Variants in KCNS2 observed in about 807,000 individuals in gnomAD.
The protein encoded by KCNS2 is delayed-rectifier potassium channel regulatory subunit KCNS2.
Under a neutral mutation model 28.3 loss-of-function variants are expected in KCNS2, and 15 were observed. The observed-to-expected ratio is 0.53, with a 90% confidence interval of 0.35 to 0.82. KCNS2 has a LOEUF of 0.82. Ranked by LOEUF, KCNS2 falls within the 40% of genes least tolerant of loss-of-function variation. The probability of loss-of-function intolerance (pLI) is 0.01; values close to 1 mark genes in which losing one functional copy is unlikely to be tolerated. For missense variants in KCNS2, 501 were observed against 617.1 expected, an observed-to-expected ratio of 0.81 and a Z score of 1.99; for synonymous variants, 254 against 256.7, an observed-to-expected ratio of 0.99 and a Z score of 0.10.
At chr8:98,427,385 C>T (rs1818251731) in intron 1 of KCNS2, 56 bp downstream of exon 1, 1 of 152,084 alleles carries the variant, frequency 6.6e-6, no homozygotes, top group Admixed American at 6.5e-5. Context: ...GGGTGAGGCG[C>T]AGCGCACGCG....
chr8:98,427,987 G>T lies in KCNS2; in HGVS notation c.8G>T (p.Gly3Val). 1 of 1,547,858 alleles carries T rather than the reference G, an allele frequency of 6.5e-7. No individual in the cohort carries two copies. The highest frequency in any genetic ancestry group is 8.7e-7 in the Non-Finnish European group (1 of 1,143,276). The change falls in exon 2 of 2, where the codon GGC becomes GTC. Residue 3 changes from glycine (G) to valine (V), a missense_variant. Gly to Val is a moderately radical substitution (Grantham distance 109, BLOSUM62 -3). Transcript: ENST00000287042. ...GCGGCCGGCGCCTCCAGCATGACCG[G>T]CCAGAGCCTGTGGGACGTGTCGGAG... MT[G>V]QSLWDVSEAN... is the part of the protein sequence containing the mutation.
At chr8:98,427,905 C>G in intron 1 of KCNS2, 33 bp from the exon 2 acceptor site, 1 of 1,295,250 alleles carries the variant, frequency 7.7e-7, no homozygotes, top group African/African-American at 1.5e-5. Flanking sequence ...GGGCGCACGG[C>G]GCTCTCGCCG....
rs1216433737 is a variant in KCNS2, at chr8:98,429,534, C to A, written c.*121C>A. 7.2e-6 allele frequency: 5 copies of A among 692,670 alleles called. No individual in the cohort carries two copies. In the Middle Eastern group the frequency reaches 1.2e-3, roughly 165 times the overall value. 42.9% of individuals were successfully genotyped at this position (692,670 alleles called of 1,614,324 possible). The stretch of plus-strand genomic sequence containing the variant: ...TGCCCAGCCCCTGAGGGGAGAGATG[C>A]ATGGGATATGCACCCAGGTTTCTTT... On this transcript the variant is annotated 3_prime_UTR_variant, in exon 2 of 2. Coordinates refer to ENST00000287042, the MANE Select transcript of KCNS2 (RefSeq NM_020697.4).
Position 98,427,165 on chromosome 8 carries a change from C to G in KCNS2, c.-207C>G, listed in dbSNP as rs953970343. 9.3e-5 allele frequency: 14 copies of G among 150,268 alleles called. No homozygotes were observed. The highest frequency in any genetic ancestry group is 2.9e-4 in the African/African-American group (12 of 41,214). The allele number at this position is 150,268 out of a possible 1,614,324, so 9.3% of individuals were successfully genotyped here. A position where few individuals can be genotyped will look rare whatever the true frequency, so the allele number is the denominator to read the frequency against. ...GCGGGCGGCGGCGGCGTACCCGGCC[C>G]GAGACGGGAGGAGACGCTCGGCGGC... On this transcript the variant is annotated 5_prime_UTR_variant, in exon 1 of 2. Coordinates refer to ENST00000287042, the MANE Select transcript of KCNS2 (RefSeq NM_020697.4).
rs777451821 is a variant in KCNS2, at chr8:98,428,008, C to T, written c.29C>T (p.Ser10Leu). 3 of 1,582,402 alleles carry T rather than the reference C, an allele frequency of 1.9e-6. No individual in the cohort carries two copies. Among genetic ancestry groups the T allele is most frequent in the Non-Finnish European group, 2.6e-6 (3 of 1,163,020 alleles). Residue 10 changes from serine to leucine, a missense_variant, in exon 2 of 2, where the codon TCG (serine) becomes TTG (leucine). Transcript: ENST00000287042. This position sits in a 1 kb window ranked among gnomAD's most constrained non-coding sequence, Gnocchi z 6.7. MTGQSLWDVSEANVEDGEIR... is the reference protein window; with the variant it reads MTGQSLWDVLEANVEDGEIR... ...ACCGGCCAGAGCCTGTGGGACGTGT[C>T]GGAGGCTAACGTCGAGGACGGGGAG...
intron 1 of KCNS2, 176 bp from the exon 2 acceptor site, chr8:98,427,762 A>G: frequency 1.9e-6 from 1 of 525,564 alleles, no homozygotes; most frequent in South Asian, 2.8e-5. Flanking sequence ...TAATAGAAAC[A>G]TACCCACCCC....
At position 98,428,218 on chromosome 8, in the gene KCNS2, A is replaced by G; in HGVS notation, c.239A>G (p.Tyr80Cys). 1.2e-6 allele frequency: 2 copies of G among 1,613,946 alleles called. No homozygotes were observed. Among genetic ancestry groups the G allele is most frequent in the South Asian group, 1.1e-5 (1 of 91,068 alleles). ...YFDRNPELFP[Y>C]VLHFYHTGKL... is the part of the protein sequence containing the mutation. The stretch of plus-strand genomic sequence containing the variant: ...GACCGCAACCCTGAGCTCTTCCCCT[A>G]CGTGCTGCATTTCTATCACACCGGC... The change falls in exon 2 of 2, where the codon TAC becomes TGC. Residue 80 changes from tyrosine (Y) to cysteine (C), a missense_variant. Tyr to Cys is a radical substitution (Grantham distance 194, BLOSUM62 -2). Coordinates refer to ENST00000287042, the MANE Select transcript of KCNS2 (RefSeq NM_020697.4). The surrounding 1 kb of genome is among the most constrained non-coding windows in gnomAD (Gnocchi z 6.7).
rs1163752868 is a variant in KCNS2 at position 98,427,282 on chromosome 8, T to C, written c.-90T>C. 1.3e-5 allele frequency: 2 copies of C among 150,836 alleles called. No homozygotes were observed. The highest frequency in any genetic ancestry group is 2.1e-4 in the South Asian group (1 of 4,794). 9.3% of individuals were successfully genotyped at this position (150,836 alleles called of 1,614,324 possible). A position where few individuals can be genotyped will look rare whatever the true frequency, so the allele number is the denominator to read the frequency against. ...CACCGCCGCGATGCTCGCCCGCGGGTTGGGGAAGTTTCCCGCCGGCCTCGG... is the reference window on the plus strand; with the variant it reads ...CACCGCCGCGATGCTCGCCCGCGGGCTGGGGAAGTTTCCCGCCGGCCTCGG... On this transcript the variant is annotated 5_prime_UTR_variant, in exon 1 of 2. Transcript: ENST00000287042.
chr8:98,429,452 C>T lies in KCNS2; in HGVS notation c.*39C>T. ...TCACCCTCCACCCCACATTGCTGAGCTGCCTCTTGTGCCTCTGGCACAGCC... is the reference window on the plus strand; with the variant it reads ...TCACCCTCCACCCCACATTGCTGAGTTGCCTCTTGTGCCTCTGGCACAGCC... On this transcript the variant is annotated 3_prime_UTR_variant, in exon 2 of 2. Transcript: ENST00000287042. 6.9e-7 allele frequency: 1 copy of T among 1,457,902 alleles called. No individual in the cohort carries two copies. The highest frequency in any genetic ancestry group is 9.5e-7 in the Non-Finnish European group (1 of 1,052,342). 90.3% of individuals were successfully genotyped at this position (1,457,902 alleles called of 1,614,324 possible).
At position 98,429,253 on chromosome 8, in the gene KCNS2, G is replaced by T; in HGVS notation, c.1274G>T (p.Ser425Ile). ...HFYRRQKQLE[S>I]AMRSCDFGDG... is the part of the protein sequence containing the mutation. Reference sequence around the variant, plus strand: ...TACCGGCGCCAAAAGCAACTTGAGAGTGCCATGCGCAGCTGTGACTTTGGA... The same window carrying T: ...TACCGGCGCCAAAAGCAACTTGAGATTGCCATGCGCAGCTGTGACTTTGGA... The change falls in exon 2 of 2, where the codon AGT (serine) becomes ATT (isoleucine). Residue 425 changes from serine (S) to isoleucine (I), a missense_variant. Physicochemically the swap from Ser to Ile is moderately radical, Grantham distance 142. Transcript: ENST00000287042. 6.2e-7 allele frequency: 1 copy of T among 1,614,108 alleles called. No homozygotes were observed. Among genetic ancestry groups the T allele is most frequent in the Non-Finnish European group, 8.5e-7 (1 of 1,180,050 alleles).
chr8:98,428,369 C>T lies in KCNS2; in HGVS notation c.390C>T (p.Pro130=), dbSNP rs764750909. ...GCTACCATGGCCGCAAAGTAGAGCC[C>T]GAGCAGGAGAAGTGGGACGAGCAGA... ...SYSYHGRKVE[P]EQEKWDEQSD... Residue 130 remains proline, a synonymous_variant, in exon 2 of 2, where the codon CCC becomes CCT. Coordinates refer to ENST00000287042, the MANE Select transcript of KCNS2 (RefSeq NM_020697.4). The surrounding 1 kb of genome is among the most constrained non-coding windows in gnomAD (Gnocchi z 6.7). 6.2e-7 allele frequency: 1 copy of T among 1,614,124 alleles called. No homozygotes were observed. The highest frequency in any genetic ancestry group is 1.1e-5 in the South Asian group (1 of 91,078).
rs1225039367 is a variant in KCNS2 at position 98,427,161 on chromosome 8, G to C, written c.-211G>C. 1 of 150,346 alleles carries C rather than the reference G, an allele frequency of 6.7e-6. No individual in the cohort carries two copies. Among genetic ancestry groups the C allele is most frequent in the Non-Finnish European group, 1.5e-5 (1 of 67,278 alleles). The allele number at this position is 150,346 out of a possible 1,614,324, so 9.3% of individuals were successfully genotyped here. ...AGCTGCGGGCGGCGGCGGCGTACCC[G>C]GCCCGAGACGGGAGGAGACGCTCGG... On this transcript the variant is annotated 5_prime_UTR_variant, in exon 1 of 2. Transcript: ENST00000287042.
In KCNS2 at chr8:98,427,336, G is replaced by C. The variant is rs997945170; in HGVS notation, c.-43+7G>C. On this transcript the variant is annotated splice_region_variant and intron_variant, in intron 1 of 1. Transcript: ENST00000287042. Reference sequence around the variant, plus strand: ...CGGGCACCCGTGCTCCCAGGTAAGCGCTTCCAGAACGCGCAGGGCGAGCCC... The same window carrying C: ...CGGGCACCCGTGCTCCCAGGTAAGCCCTTCCAGAACGCGCAGGGCGAGCCC... The C allele has an allele frequency of 9.9e-5, 15 of 151,600 alleles. No individual in the cohort carries two copies. The highest frequency in any genetic ancestry group is 5.9e-5 in the Non-Finnish European group (4 of 67,840). 9.4% of individuals were successfully genotyped at this position (151,600 alleles called of 1,614,324 possible).
intron 1 of KCNS2, 51 bp from the exon 2 acceptor site, chr8:98,427,887 C>T (rs1051458420): frequency 2.6e-6 from 3 of 1,133,646 alleles, no homozygotes; most frequent in Admixed American, 2.9e-5. Context: ...GGAGAGGGGG[C>T]CCCGCCAGGG....
In KCNS2 at chr8:98,432,815, C is replaced by T. The variant is rs1818356024; in HGVS notation, c.*3402C>T. 1 of 166,802 alleles carries T rather than the reference C, an allele frequency of 6.0e-6. No individual in the cohort carries two copies. The highest frequency in any genetic ancestry group is 1.5e-5 in the Non-Finnish European group (1 of 68,124). 10.3% of individuals were successfully genotyped at this position (166,802 alleles called of 1,614,324 possible). A position where few individuals can be genotyped will look rare whatever the true frequency, so the allele number is the denominator to read the frequency against. ...ATGTCAGTTTTAACACTCATTAACA[C>T]ACTACTGTGCAAGCATTGACACAGG... On this transcript the variant is annotated 3_prime_UTR_variant, in exon 2 of 2. Coordinates refer to ENST00000287042, the MANE Select transcript of KCNS2 (RefSeq NM_020697.4).
At position 98,429,398 on chromosome 8, in the gene KCNS2, T is replaced by A. The variant is rs775246273; in HGVS notation, c.1419T>A (p.Asn473Lys). 1.1e-5 allele frequency: 18 copies of A among 1,610,642 alleles called. No individual in the cohort carries two copies. The highest frequency in any genetic ancestry group is 1.4e-5 in the Non-Finnish European group (17 of 1,177,430). ...GCTCACCAAGTGAACTCAGTTTAAA[T>A]GATTCCCTACGTTAGCCGGGAGGAC... is the stretch of plus-strand genomic sequence containing the variant. Reference protein sequence around the residue: ...SRSSPSELSLNDSLR With the variant: ...SRSSPSELSLKDSLR Residue 473 changes from asparagine to lysine, a missense_variant, in exon 2 of 2, where the codon AAT becomes AAA. Transcript: ENST00000287042.
Position 98,429,133 on chromosome 8 carries a change from C to G in KCNS2, c.1154C>G (p.Thr385Arg), listed in dbSNP as rs201873843. The G allele has an allele frequency of 1.9e-6, 3 of 1,613,232 alleles. No individual in the cohort carries two copies. In the Admixed American group the frequency reaches 5.0e-5, roughly 27 times the overall value. ...TACGGGGATGTGGTCCCAGGGACCA[C>G]GGCAGGAAAGCTGACTGCCTCTGCC... Reference protein sequence around the residue: ...VGYGDVVPGTTAGKLTASACI... With the variant: ...VGYGDVVPGTRAGKLTASACI... The change falls in exon 2 of 2, where the codon ACG (threonine) becomes AGG (arginine). Residue 385 changes from threonine (T) to arginine (R), a missense_variant. Transcript: ENST00000287042.
chr8:98,428,213 C>T lies in KCNS2; in HGVS notation c.234C>T (p.Phe78=). Residue 78 remains phenylalanine (F), a synonymous_variant, in exon 2 of 2, where the codon TTC becomes TTT. Coordinates refer to ENST00000287042, the MANE Select transcript of KCNS2 (RefSeq NM_020697.4). The surrounding 1 kb of genome is among the most constrained non-coding windows in gnomAD (Gnocchi z 6.7). ...ACTTCGACCGCAACCCTGAGCTCTT[C>T]CCCTACGTGCTGCATTTCTATCACA... The part of the protein sequence containing the change: ...EFYFDRNPEL[F]PYVLHFYHTG... 6.2e-7 allele frequency: 1 copy of T among 1,614,148 alleles called. No individual in the cohort carries two copies. Among genetic ancestry groups the T allele is most frequent in the Admixed American group, 1.7e-5 (1 of 60,032 alleles).
rs892912948 is a variant in KCNS2, at chr8:98,431,557, C to A, written c.*2144C>A. The A allele has an allele frequency of 1.2e-5, 2 of 167,052 alleles. No homozygotes were observed. Among genetic ancestry groups the A allele is most frequent in the African/African-American group, 4.8e-5 (2 of 41,424 alleles). The allele number at this position is 167,052 out of a possible 1,614,324, so 10.3% of individuals were successfully genotyped here. ...AGACTTATGAGGACGGATCAGTTTG[C>A]CAAGGCTGATGGTATTGGGTCACTG... is the stretch of plus-strand genomic sequence containing the variant. On this transcript the variant is annotated 3_prime_UTR_variant, in exon 2 of 2. Coordinates refer to ENST00000287042, the MANE Select transcript of KCNS2 (RefSeq NM_020697.4).
Sources: allele counts gnomAD v4.1 joint callset, GRCh38; gene constraint gnomAD v4.1.1; non-coding constraint Gnocchi (gnomAD v3.1); transcripts MANE v1.5; gene names NCBI Gene and HGNC (gene_info 2026-07-23, HGNC 2026-07-21).